Variants in INPP5D observed in about 807,000 individuals in gnomAD.
INPP5D encodes inositol polyphosphate-5-phosphatase D.
In INPP5D, 33 loss-of-function variants were observed where a neutral mutation model predicts 122.9. That is an observed-to-expected ratio of 0.27 (90% CI 0.20 to 0.36). INPP5D has a LOEUF of 0.36. Among genes scored for constraint, INPP5D ranks in the 10% least tolerant of loss-of-function variants. The pLI, the probability that INPP5D is intolerant of heterozygous loss-of-function variation, is 1.00. For synonymous variants in INPP5D, 584 were observed against 576.2 expected (o/e 1.01, Z -0.19); for missense variants, 1,053 against 1,412.7 (o/e 0.75, Z 4.08).
In INPP5D at chr2:233,206,013, A is replaced by C. The variant is rs189243096; in HGVS notation, c.3568-693A>C. 1.5e-3 allele frequency among the ~76,000 whole-genome samples: 224 copies of C among 152,234 alleles called. 3 individuals carry two copies. Among genetic ancestry groups the C allele is most frequent in the African/African-American group, 5.0e-3 (208 of 41,540 alleles). On this transcript the variant is annotated intron_variant, in intron 26 of 26. Coordinates refer to ENST00000445964, the MANE Select transcript of INPP5D (RefSeq NM_001017915.3). This position sits in a 1 kb window ranked among gnomAD's most constrained non-coding sequence, Gnocchi z 4.0. ...AGAATTGCTTGAACCCAGGAGGCGG[A>C]GGTTGCAGTGAACCGAGATCGCAAC...
intron 2 of INPP5D, among the ~76,000 whole-genome samples, chr2:233,084,280 C>T (rs890642870): frequency 6.6e-6 from 1 of 152,228 alleles, no homozygotes; most frequent in Non-Finnish European, 1.5e-5. Flanking sequence ...GTCTCAAACG[C>T]CTGGGCTCAA....
chr2:233,188,300 G>GC lies in INPP5D; in HGVS notation c.2359-1545dup, dbSNP rs1694969422. Among the ~76,000 whole-genome samples the GC allele has an allele frequency of 6.6e-6, 1 of 152,022 alleles. No homozygotes were observed. Among genetic ancestry groups the GC allele is most frequent in the Non-Finnish European group, 1.5e-5 (1 of 67,996 alleles). Reference sequence around the variant, plus strand: ...GTTCACCCTGTAAATCCCTGCTGTGGCCCCCTAGATAGTTCTCCTCCCTGC... The same window carrying GC: ...GTTCACCCTGTAAATCCCTGCTGTGGCCCCCCTAGATAGTTCTCCTCCCTGC... On this transcript the variant is annotated intron_variant, in intron 21 of 26. Transcript: ENST00000445964. The surrounding 1 kb of genome is among the most constrained non-coding windows in gnomAD (Gnocchi z 4.7).
At chr2:233,085,645 G>A (rs1344528463) in intron 2 of INPP5D, among the ~76,000 whole-genome samples, 1 of 152,072 alleles carries the variant, frequency 6.6e-6, no homozygotes, top group African/African-American at 2.4e-5. Flanking sequence ...TTTTATTCCA[G>A]CTCTTCTGGC....
At chr2:233,094,373 CT>C (rs1692072572) in intron 2 of INPP5D, among the ~76,000 whole-genome samples, 1 of 151,436 alleles carries the variant, frequency 6.6e-6, no homozygotes, top group South Asian at 2.1e-4. Context: ...ATTAGCCGGG[CT>C]TAGTGGTGCA....
At chr2:233,202,710 C>A (rs189573847) in intron 25 of INPP5D, among the ~76,000 whole-genome samples, 2 of 152,382 alleles carry the variant, frequency 1.3e-5, no homozygotes, top group East Asian at 3.9e-4. Context: ...GAACACTCCC[C>A]TGGGAGATTC....
chr2:233,064,408 G>C (rs886209670), intron 1 of INPP5D, among the ~76,000 whole-genome samples: 26 of 152,254 alleles, frequency 1.7e-4, no homozygotes, highest in African/African-American at 6.3e-4. Context: ...CTTCCCAGGG[G>C]CAGTGTAGAC....
intron 25 of INPP5D, among the ~76,000 whole-genome samples, chr2:233,199,529 C>G (rs62192896): frequency 0.04 from 3,427 of 85,946 alleles, 56 homozygotes; most frequent in Non-Finnish European, 0.055. Context: ...GAGTGAGACT[C>G]CGTCTCAAAA....
rs145914804 is a variant in INPP5D, at chr2:233,100,260, C to T, written c.198+20862C>T. ...ACATCACCCGCCTGACTGCTGTAGG[C>T]CACTGAGCTATGATATTCATCAGAC... is the stretch of plus-strand genomic sequence containing the variant. On this transcript the variant is annotated intron_variant, in intron 2 of 26. Transcript: ENST00000445964. This position sits in a 1 kb window ranked among gnomAD's most constrained non-coding sequence, Gnocchi z 5.3. 6.6e-6 allele frequency among the ~76,000 whole-genome samples: 1 copy of T among 152,300 alleles called. No individual in the cohort carries two copies. Among genetic ancestry groups the T allele is most frequent in the Non-Finnish European group, 1.5e-5 (1 of 68,020 alleles).
At chr2:233,145,364 C>T in intron 6 of INPP5D, 1 of 456,084 alleles carries the variant, frequency 2.2e-6, no homozygotes, top group Non-Finnish European at 4.4e-6. Context: ...TGTTCTGAGC[C>T]CCAGTGTTGC....
chr2:233,091,617 T>A (rs971204072), intron 2 of INPP5D, among the ~76,000 whole-genome samples: 17 of 152,216 alleles, frequency 1.1e-4, no homozygotes, highest in African/African-American at 3.9e-4. Context: ...CTTCCCCTTA[T>A]GAGGACTCTT....
chr2:233,186,684 C>CTTTTTTTTTTTTTTTTTTT lies in INPP5D; in HGVS notation c.2358+797_2358+815dup, dbSNP rs144243823. Among the ~76,000 whole-genome samples, 14 of 44,534 alleles carry CTTTTTTTTTTTTTTTTTTT rather than the reference C, an allele frequency of 3.1e-4. 2 individuals are homozygous for CTTTTTTTTTTTTTTTTTTT. The highest frequency in any genetic ancestry group is 4.7e-4 in the Non-Finnish European group (11 of 23,226). 29.2% of individuals were successfully genotyped at this position (44,534 alleles called of 152,430 possible). On this transcript the variant is annotated intron_variant, in intron 21 of 26. Coordinates refer to ENST00000445964, the MANE Select transcript of INPP5D (RefSeq NM_001017915.3). ...CTTGTTTTTTTTTCTTTTTCTCTTT[C>CTTTTTTTTTTTTTTTTTTT]TTTTTTTTTTTTTTTTTTTTTTTTT...
chr2:233,156,305 A>G (rs1297494436), intron 9 of INPP5D, among the ~76,000 whole-genome samples: 1 of 151,060 alleles, frequency 6.6e-6, no homozygotes, highest in Non-Finnish European at 1.5e-5. Flanking sequence ...TTCTTTTTTT[A>G]TTTGAGATGG....
At chr2:233,193,740 C>T (rs572105982) in intron 22 of INPP5D, 72 bp from the exon 23 acceptor site, 42 of 1,609,076 alleles carry the variant, frequency 2.6e-5, no homozygotes, top group Admixed American at 2.2e-4. Flanking sequence ...ACCAACTCTC[C>T]GGCCAAGAGT....
At chr2:233,126,154 C>G (rs1693151308) in intron 4 of INPP5D, among the ~76,000 whole-genome samples, 1 of 152,236 alleles carries the variant, frequency 6.6e-6, no homozygotes, top group Non-Finnish European at 1.5e-5. Flanking sequence ...GGTGGGGGAG[C>G]ACTCCGTCTC....
rs189621795 is a variant in INPP5D at position 233,188,271 on chromosome 2, C to T, written c.2359-1579C>T. On this transcript the variant is annotated intron_variant, in intron 21 of 26. Transcript: ENST00000445964. This position sits in a 1 kb window ranked among gnomAD's most constrained non-coding sequence, Gnocchi z 4.7. ...CCCACCCCTGTTGCCTGGCGGCCTC[C>T]TCTGTTCACCCTGTAAATCCCTGCT... 6.6e-6 allele frequency among the ~76,000 whole-genome samples: 1 copy of T among 152,250 alleles called. No individual in the cohort carries two copies. The highest frequency in any genetic ancestry group is 6.5e-5 in the Admixed American group (1 of 15,306).
chr2:233,097,803 G>T (rs934465302), intron 2 of INPP5D, among the ~76,000 whole-genome samples: 12 of 152,274 alleles, frequency 7.9e-5, no homozygotes, highest in South Asian at 2.1e-4. Context: ...TTAGGGACAG[G>T]GGAGTTGTTC....
rs1357872212 is a variant in INPP5D, at chr2:233,174,704, ATTGT to A, written c.1990-2557_1990-2554del. On this transcript the variant is annotated intron_variant, in intron 17 of 26. Coordinates refer to ENST00000445964, the MANE Select transcript of INPP5D (RefSeq NM_001017915.3). Reference sequence around the variant, plus strand: ...CTACTCAGAAGGCTGAGTCAGGAGAATTGTTTGAATCCGGCAGACAGAGGTTGCA... The same window carrying A: ...CTACTCAGAAGGCTGAGTCAGGAGAATTGAATCCGGCAGACAGAGGTTGCA... Among the ~76,000 whole-genome samples, 8 of 151,134 alleles carry A rather than the reference ATTGT, an allele frequency of 5.3e-5. 1 individual carries two copies. Among genetic ancestry groups the A allele is most frequent in the African/African-American group, 1.9e-4 (8 of 41,102 alleles).
intron 2 of INPP5D, among the ~76,000 whole-genome samples, chr2:233,109,964 A>C (rs1692573200): frequency 6.6e-6 from 1 of 151,728 alleles, no homozygotes; most frequent in Admixed American, 6.6e-5. Context: ...GGTTCACTGC[A>C]GTCTGCATTT....
intron 6 of INPP5D, among the ~76,000 whole-genome samples, chr2:233,142,057 AAC>A (rs2106274882): frequency 6.6e-6 from 1 of 152,378 alleles, no homozygotes; most frequent in South Asian, 2.1e-4. Context: ...TGAGTGGAAG[AAC>A]ACACAGTCAA....
Sources: gnomAD v4.1 joint callset for allele counts (sites outside exome capture counted in the v4.1 genomes callset) on GRCh38, gnomAD v4.1.1 for gene constraint, Gnocchi (gnomAD v3.1) non-coding constraint, MANE v1.5 for transcripts, NCBI Gene and HGNC (gene_info 2026-07-23, HGNC 2026-07-21) for gene names.